GLUD1: variants seen among roughly 807,000 people sequenced by gnomAD.
The protein encoded by GLUD1 is glutamate dehydrogenase 1.
A neutral mutation model predicts 56.0 loss-of-function variants in GLUD1; 22 were observed. The ratio of observed to expected loss-of-function variants is 0.39; its 90% confidence interval spans 0.28 to 0.56. The LOEUF (loss-of-function observed/expected upper bound fraction) is 0.56, where lower values mean the gene tolerates loss of function less well. Ranked by LOEUF, GLUD1 falls within the 20% of genes least tolerant of loss-of-function variation. GLUD1 has a pLI of 0.58. For missense variants in GLUD1, 451 were observed against 732.0 expected (o/e 0.62, Z 4.43); for synonymous variants, 223 against 269.9 (o/e 0.83, Z 1.70).
At chr10:87,079,922 CCCTCCCCCTCT>C in intron 1 of GLUD1, among the ~76,000 whole-genome samples, 5 of 113,082 alleles carry the variant, frequency 4.4e-5, no homozygotes, top group African/African-American at 1.6e-4. Context: ...CTCCCCCTCT[CCCTCCCCCTCT>C]CCCTCTCCCT....
At chr10:87,055,374 T>C (rs550016041) in intron 11 of GLUD1, among the ~76,000 whole-genome samples, 3 of 152,114 alleles carry the variant, frequency 2.0e-5, no homozygotes, top group South Asian at 2.1e-4. Flanking sequence ...TGGGTCCTGA[T>C]AGTGCCAAAC....
intron 5 of GLUD1, among the ~76,000 whole-genome samples, chr10:87,063,066 TTTG>T (rs199635891): frequency 4.8e-4 from 61 of 126,590 alleles, no homozygotes; most frequent in East Asian, 2.4e-3. Context: ...TGTTTTTTTT[TTTG>T]TTTGTTTGTT....
At position 87,051,766 on chromosome 10, in the gene GLUD1, A is replaced by G; in HGVS notation, c.1662T>C (p.Gly554=). 1 of 1,612,680 alleles carries G rather than the reference A, an allele frequency of 6.2e-7. No individual in the cohort carries two copies. The highest frequency in any genetic ancestry group is 1.7e-5 in the Admixed American group (1 of 60,036). Residue 554 remains glycine, a synonymous_variant, in exon 13 of 13, where the codon GGT becomes GGC. Coordinates refer to ENST00000277865, the MANE Select transcript of GLUD1 (RefSeq NM_005271.5). The part of the protein sequence containing the change: ...EKVFKVYNEA[G]VTFT ...CATGATCCATCTATGTGAAGGTCAC[A>G]CCAGCTTCATTGTACACTTTGAAGA...
At position 87,062,688 on chromosome 10, in the gene GLUD1, G is replaced by A. The variant is rs1845967270; in HGVS notation, c.889C>T (p.Pro297Ser). ...ASYMSILGMT[P>S]GFGDKTFVVQ... The stretch of plus-strand genomic sequence containing the variant: ...ACAAATGTTTTATCTCCAAACCCTG[G>A]TGTCATTCCTAAAATGCTCATGTAA... Residue 297 changes from proline (P) to serine (S), a missense_variant, in exon 6 of 13, where the codon CCA becomes TCA. Coordinates refer to ENST00000277865, the MANE Select transcript of GLUD1 (RefSeq NM_005271.5). 5 of 1,613,942 alleles carry A rather than the reference G, an allele frequency of 3.1e-6. No individual in the cohort carries two copies. Among genetic ancestry groups the A allele is most frequent in the Non-Finnish European group, 4.2e-6 (5 of 1,179,952 alleles).
At chr10:87,054,501 A>G (rs1468401951) in intron 11 of GLUD1, among the ~76,000 whole-genome samples, 1 of 152,200 alleles carries the variant, frequency 6.6e-6, no homozygotes, top group African/African-American at 2.4e-5. Flanking sequence ...TGGGAGTGTC[A>G]GTTGTAACAA....
At chr10:87,064,080 T>C (rs1434562052) in intron 5 of GLUD1, among the ~76,000 whole-genome samples, 3 of 151,932 alleles carry the variant, frequency 2.0e-5, no homozygotes, top group Admixed American at 2.0e-4. Flanking sequence ...GGGTATTTAG[T>C]AGAGTAGAGT....
intron 1 of GLUD1, among the ~76,000 whole-genome samples, chr10:87,085,144 G>A (rs1447797096): frequency 6.6e-6 from 1 of 151,872 alleles, no homozygotes; most frequent in Non-Finnish European, 1.5e-5. Flanking sequence ...AGGAGTTCGA[G>A]ACCAGCCTGG....
At chr10:87,051,985 G>T in intron 12 of GLUD1, 115 bp from the exon 13 acceptor site, 1 of 1,233,444 alleles carries the variant, frequency 8.1e-7, no homozygotes, top group South Asian at 1.2e-5. Flanking sequence ...TTCAAGGCAG[G>T]ACTTGGGCAG....
intron 1 of GLUD1, among the ~76,000 whole-genome samples, chr10:87,077,182 T>C (rs914684250): frequency 2.0e-5 from 3 of 152,128 alleles, no homozygotes; most frequent in African/African-American, 7.2e-5. Flanking sequence ...AGCTAATTTT[T>C]GAATTTTTTG....
intron 5 of GLUD1, among the ~76,000 whole-genome samples, chr10:87,063,057 GT>G (rs757864860): frequency 0.063 from 9,049 of 144,240 alleles, 580 homozygotes; most frequent in African/African-American, 0.17. Flanking sequence ...TATATTTTCT[GT>G]TTTTTTTTTT....
At position 87,053,355 on chromosome 10, in the gene GLUD1, T is replaced by C; in HGVS notation, c.1544A>G (p.Glu515Gly). 6.2e-7 allele frequency: 1 copy of C among 1,609,770 alleles called. No individual in the cohort carries two copies. The highest frequency in any genetic ancestry group is 8.5e-7 in the Non-Finnish European group (1 of 1,176,010). Residue 515 changes from glutamate to glycine, a missense_variant, in exon 12 of 13, where the codon GAG (glutamate) becomes GGG (glycine). This residue lies in a region of GLUD1 where 43 missense variants were observed against 61.6 expected (regional missense o/e 0.70). Transcript: ENST00000277865. ...IVHSGLAYTM[E>G]RSARQIMRTA... Reference sequence around the variant, plus strand: ...CTGCACACATACCCTGGCAGAACGCTCCATTGTGTATGCCAAGCCAGAGTG... The same window carrying C: ...CTGCACACATACCCTGGCAGAACGCCCCATTGTGTATGCCAAGCCAGAGTG...
intron 5 of GLUD1, among the ~76,000 whole-genome samples, chr10:87,066,447 CT>C (rs1163338859): frequency 6.6e-6 from 1 of 152,146 alleles, no homozygotes; most frequent in African/African-American, 2.4e-5. Flanking sequence ...TTCTACTGGC[CT>C]TTCTTATCCC....
intron 4 of GLUD1, 140 bp from the exon 5 acceptor site, chr10:87,068,297 G>A (rs868818812): frequency 2.6e-5 from 17 of 662,200 alleles, no homozygotes; most frequent in South Asian, 9.5e-5. Context: ...GCTAATCAAA[G>A]TCATAGAAAT....
At chr10:87,071,861 A>AGACTTCTAT (rs1443569757) in intron 4 of GLUD1, among the ~76,000 whole-genome samples, 35 of 152,242 alleles carry the variant, frequency 2.3e-4, no homozygotes, top group Admixed American at 2.3e-3. Context: ...TTTAGTTGTA[A>AGACTTCTAT]GACTTCTATG....
Position 87,076,030 on chromosome 10 carries a change from G to A in GLUD1, c.527-7C>T, listed in dbSNP as rs758645315. ...GCACCCCCAAACGGCACATCTGAAA[G>A]AGAAGGCTGATGGTTGCTATTCCAT... On this transcript the variant is annotated splice_region_variant and splice_polypyrimidine_tract_variant and intron_variant, in intron 2 of 12. Transcript: ENST00000277865. The A allele has an allele frequency of 4.4e-6, 7 of 1,591,442 alleles. No homozygotes were observed.
At chr10:87,057,821 G>GAAAAAAAAAA in intron 10 of GLUD1, 39 bp from the exon 11 acceptor site, 1 of 722,502 alleles carries the variant, frequency 1.4e-6, no homozygotes, top group South Asian at 1.5e-5. Context: ...ATTGCTAACA[G>GAAAAAAAAAA]AAAAAAAAAA....
At chr10:87,080,112 A>G (rs1841175449) in intron 1 of GLUD1, among the ~76,000 whole-genome samples, 1 of 151,320 alleles carries the variant, frequency 6.6e-6, no homozygotes, top group Non-Finnish European at 1.5e-5. Flanking sequence ...TGGTTTTCGT[A>G]TTTTTTTGGT....
At chr10:87,062,015 C>T (rs1845950596) in intron 6 of GLUD1, among the ~76,000 whole-genome samples, 1 of 152,314 alleles carries the variant, frequency 6.6e-6, no homozygotes, top group Middle Eastern at 3.4e-3. Flanking sequence ...ATCTCTTGAC[C>T]TCGTGATCTG....
intron 1 of GLUD1, among the ~76,000 whole-genome samples, chr10:87,079,648 C>G (rs770749925): frequency 6.6e-6 from 1 of 152,120 alleles, no homozygotes; most frequent in Non-Finnish European, 1.5e-5. Context: ...ATGGGTGTCA[C>G]GACTGCGAGG....
Sources: allele counts gnomAD v4.1 joint callset (sites outside exome capture counted in the v4.1 genomes callset), GRCh38; gene constraint gnomAD v4.1.1; regional missense constraint gnomAD v4.1.1; transcripts MANE v1.5; gene names NCBI Gene and HGNC (gene_info 2026-07-23, HGNC 2026-07-21).